The following CSMD2 variants were observed in gnomAD, a reference collection of about 807,000 sequenced individuals.
CSMD2 encodes CUB and Sushi multiple domains 2, also known as CUB and sushi domain-containing protein 2.
A neutral mutation model predicts 398.5 loss-of-function variants in CSMD2; 130 were observed. That is an observed-to-expected ratio of 0.33 (90% CI 0.28 to 0.38). The LOEUF (loss-of-function observed/expected upper bound fraction) is 0.38. CSMD2 is among the 10% of genes least tolerant of loss of function. The pLI, the probability that CSMD2 is intolerant of heterozygous loss-of-function variation, is 1.00. For missense variants in CSMD2, 3,829 were observed against 4,764.9 expected (o/e 0.80, Z 5.78); for synonymous variants, 1,828 against 1,908.5 (o/e 0.96, Z 1.10).
At chr1:34,010,679 C>T (rs1389791992) in intron 3 of CSMD2, among the ~76,000 whole-genome samples, 13 of 151,750 alleles carry the variant, frequency 8.6e-5, no homozygotes, top group Admixed American at 8.5e-4. Context: ...AGTGCAGTGG[C>T]ACGATCTCGG....
chr1:33,547,019 G>T (rs931661181), intron 56 of CSMD2, among the ~76,000 whole-genome samples: 8 of 152,116 alleles, frequency 5.3e-5, no homozygotes, highest in African/African-American at 7.2e-5. Context: ...TCACCACAAA[G>T]AAATGATAAA....
intron 6 of CSMD2, among the ~76,000 whole-genome samples, chr1:33,831,384 A>G (rs1321085182): frequency 6.6e-6 from 1 of 152,232 alleles, no homozygotes; most frequent in East Asian, 1.9e-4. Context: ...AGAATTTTCA[A>G]CCCAGAATTT....
rs1265755012 is a variant in CSMD2, at chr1:33,788,551, G to A, written c.1663+49C>T. Reference sequence around the variant, plus strand: ...AATTCTGACTGCAAATCCAGACCCCGTCTCTGACTCCCAGGACACAGTTCA... The same window carrying A: ...AATTCTGACTGCAAATCCAGACCCCATCTCTGACTCCCAGGACACAGTTCA... On this transcript the variant is annotated intron_variant, in intron 12 of 70. Coordinates refer to ENST00000373381, the MANE Select transcript of CSMD2 (RefSeq NM_001281956.2). 38 of 946,188 alleles carry A rather than the reference G, an allele frequency of 4.0e-5. 1 individual carries two copies. The highest frequency in any genetic ancestry group is 3.9e-4 in the East Asian group (16 of 40,702). The allele number at this position is 946,188 out of a possible 1,614,324, so 58.6% of individuals were successfully genotyped here. A position where few individuals can be genotyped will look rare whatever the true frequency, so the allele number is the denominator to read the frequency against.
intron 1 of CSMD2, among the ~76,000 whole-genome samples, chr1:34,123,965 A>G (rs956349500): frequency 5.3e-5 from 8 of 152,194 alleles, no homozygotes; most frequent in East Asian, 1.9e-4. Flanking sequence ...TACACTGTAC[A>G]GTCCCTTATG....
At chr1:33,745,022 T>C (rs1647227921) in intron 13 of CSMD2, among the ~76,000 whole-genome samples, 2 of 152,226 alleles carry the variant, frequency 1.3e-5, no homozygotes, top group African/African-American at 4.8e-5. Flanking sequence ...GACATAATTT[T>C]ATTATAGAGG....
intron 3 of CSMD2, among the ~76,000 whole-genome samples, chr1:34,000,447 A>C (rs908644022): frequency 6.6e-6 from 1 of 152,174 alleles, no homozygotes; most frequent in Non-Finnish European, 1.5e-5. Flanking sequence ...GCTTTGGCAC[A>C]GAGCAAAGAG....
intron 2 of CSMD2, among the ~76,000 whole-genome samples, chr1:34,053,534 G>C (rs1480404885): frequency 6.6e-6 from 1 of 152,156 alleles, no homozygotes; most frequent in African/African-American, 2.4e-5. Flanking sequence ...TACTACCCTA[G>C]AATCCCTCTT....
At chr1:33,845,383 T>G (rs914149760) in intron 6 of CSMD2, among the ~76,000 whole-genome samples, 1 of 152,220 alleles carries the variant, frequency 6.6e-6, no homozygotes, top group Non-Finnish European at 1.5e-5. Flanking sequence ...GGGCCTGGTG[T>G]GCACAGATGT....
intron 70 of CSMD2, among the ~76,000 whole-genome samples, chr1:33,517,084 G>T (rs1387275102): frequency 6.6e-6 from 1 of 152,044 alleles, no homozygotes; most frequent in East Asian, 1.9e-4. Context: ...CTCACTGACC[G>T]CACAGGCCTC....
chr1:33,524,733 G>T, intron 66 of CSMD2, 149 bp downstream of exon 66: 1 of 705,970 alleles, frequency 1.4e-6, no homozygotes, highest in Non-Finnish European at 2.3e-6. Context: ...GCTTTATCAT[G>T]TAAAGATGAA....
chr1:33,551,461 TAGG>T (rs1657437122), intron 55 of CSMD2, among the ~76,000 whole-genome samples: 1 of 152,186 alleles, frequency 6.6e-6, no homozygotes, highest in Non-Finnish European at 1.5e-5. Context: ...TGGAGTCTGG[TAGG>T]AGATCCCTGT....
At chr1:33,849,882 A>G (rs1331397763) in intron 5 of CSMD2, among the ~76,000 whole-genome samples, 1 of 146,954 alleles carries the variant, frequency 6.8e-6, no homozygotes, top group Non-Finnish European at 1.5e-5. Flanking sequence ...TGAAAAACAA[A>G]TCAAAACAAA....
At chr1:33,765,688 G>T (rs2149313415) in intron 13 of CSMD2, among the ~76,000 whole-genome samples, 1 of 152,256 alleles carries the variant, frequency 6.6e-6, no homozygotes. Flanking sequence ...TGAGAGACTT[G>T]TTTATATAGA....
At chr1:33,793,945 CTTTT>C (rs1329947176) in intron 10 of CSMD2, among the ~76,000 whole-genome samples, 1 of 152,190 alleles carries the variant, frequency 6.6e-6, no homozygotes, top group Non-Finnish European at 1.5e-5. Context: ...ATCTGTATCT[CTTTT>C]TGTCTGTTTC....
chr1:34,165,050 C>A lies in CSMD2; in HGVS notation c.48G>T (p.Ala16=). The A allele has an allele frequency of 1.6e-6, 2 of 1,215,220 alleles. No homozygotes were observed. Among genetic ancestry groups the A allele is most frequent in the Non-Finnish European group, 2.0e-6 (2 of 977,282 alleles). The allele number at this position is 1,215,220 out of a possible 1,614,324, so 75.3% of individuals were successfully genotyped here. A position where few individuals can be genotyped will look rare whatever the true frequency, so the allele number is the denominator to read the frequency against. The change falls in exon 1 of 71, where the codon GCG becomes GCT. Residue 16 remains alanine, a synonymous_variant. Transcript: ENST00000373381. ...TCCCGGTTTCGCCGCGAGCCCTCCC[C>A]GCGGGGCAGCCGCAGCGCCCCAGCT... is the stretch of plus-strand genomic sequence containing the variant. The part of the protein sequence containing the change: ...GRELGRCGCP[A]GRARGETGIS...
At chr1:33,933,699 G>A (rs544945546) in intron 4 of CSMD2, among the ~76,000 whole-genome samples, 1 of 152,324 alleles carries the variant, frequency 6.6e-6, no homozygotes, top group East Asian at 1.9e-4. Context: ...CACCTGTGTA[G>A]GGGCCAAGGT....
At chr1:33,627,487 C>T (rs1385513509) in intron 32 of CSMD2, among the ~76,000 whole-genome samples, 2 of 152,136 alleles carry the variant, frequency 1.3e-5, no homozygotes, top group East Asian at 3.9e-4. Context: ...ACCCCAGACC[C>T]CATTCTCAGG....
chr1:34,021,811 AATG>A (rs1345614093), intron 3 of CSMD2, among the ~76,000 whole-genome samples: 1 of 152,204 alleles, frequency 6.6e-6, no homozygotes, highest in African/African-American at 2.4e-5. Context: ...AACAGGTTGG[AATG>A]ATAAGTACAC....
intron 65 of CSMD2, among the ~76,000 whole-genome samples, chr1:33,526,947 G>A (rs1188569469): frequency 6.6e-6 from 1 of 152,212 alleles, no homozygotes. Flanking sequence ...GTAATCAACA[G>A]TTCCAGAGCT....
Sources: allele counts gnomAD v4.1 joint callset (sites outside exome capture counted in the v4.1 genomes callset), GRCh38; gene constraint gnomAD v4.1.1; transcripts MANE v1.5; gene names NCBI Gene and HGNC (gene_info 2026-07-23, HGNC 2026-07-21).